The following RANBP17 variants were observed in gnomAD, a reference collection of about 807,000 sequenced individuals.
RANBP17 encodes RAN binding protein 17, also known as ran-binding protein 17.
A neutral mutation model predicts 141.2 loss-of-function variants in RANBP17; 158 were observed. The ratio of observed to expected loss-of-function variants is 1.12; its 90% CI spans 0.98 to 1.28. RANBP17 has a LOEUF of 1.28. RANBP17 is among the 50% of genes most tolerant of loss of function. The pLI, the probability that RANBP17 is intolerant of heterozygous loss-of-function variation, is 0.00. For missense variants in RANBP17, 1,438 were observed against 1,290.7 expected, an observed-to-expected ratio of 1.11 and a Z score of -1.75; for synonymous variants, 430 against 450.0, an observed-to-expected ratio of 0.96 and a Z score of 0.56.
intron 25 of RANBP17, among the ~76,000 whole-genome samples, chr5:171,281,868 G>A (rs547099901): frequency 1.3e-5 from 2 of 152,158 alleles, no homozygotes; most frequent in Admixed American, 6.6e-5. Context: ...GCACCTTAAG[G>A]GCAGAAGTTC....
At chr5:170,927,085 G>A (rs1202458828) in intron 12 of RANBP17, among the ~76,000 whole-genome samples, 1 of 151,996 alleles carries the variant, frequency 6.6e-6, no homozygotes, top group Non-Finnish European at 1.5e-5. Flanking sequence ...GATAAACCTT[G>A]TATGTGTCAT....
intron 14 of RANBP17, among the ~76,000 whole-genome samples, chr5:171,131,829 C>T (rs772024480): frequency 3.9e-5 from 6 of 152,114 alleles, no homozygotes; most frequent in Non-Finnish European, 7.4e-5. Flanking sequence ...GATGGTATAA[C>T]TATTTTGTTT....
chr5:171,078,134 C>CT lies in RANBP17; in HGVS notation c.1711-91979dup, dbSNP rs11331471. Among the ~76,000 whole-genome samples, 356 of 122,766 alleles carry CT rather than the reference C, an allele frequency of 2.9e-3. 2 individuals are homozygous for CT. The highest frequency in any genetic ancestry group is 0.016 in the East Asian group (67 of 4,182). 80.5% of individuals were successfully genotyped at this position (122,766 alleles called of 152,430 possible). On this transcript the variant is annotated intron_variant, in intron 14 of 27. Transcript: ENST00000523189. ...CAACAGATTTTCTTTTCTTTTCTTT[C>CT]TTTTTTTTTTTTTTTTTGAGACTGA...
chr5:171,196,791 G>A (rs942957984), intron 18 of RANBP17, among the ~76,000 whole-genome samples: 2 of 152,118 alleles, frequency 1.3e-5, no homozygotes, highest in African/African-American at 4.8e-5. Flanking sequence ...GCTAACAGTG[G>A]CAGAGCCAGG....
chr5:171,111,759 T>C (rs1399803551), intron 14 of RANBP17, among the ~76,000 whole-genome samples: 1 of 152,256 alleles, frequency 6.6e-6, no homozygotes, highest in Non-Finnish European at 1.5e-5. Flanking sequence ...CTTCTCTGCA[T>C]TAGGTATTCC....
chr5:171,120,310 G>A (rs779104356), intron 14 of RANBP17, among the ~76,000 whole-genome samples: 1 of 152,162 alleles, frequency 6.6e-6, no homozygotes, highest in Non-Finnish European at 1.5e-5. Context: ...TCTTTTCAGG[G>A]CAGAGAGTTT....
At chr5:170,940,796 A>G (rs969041109) in intron 12 of RANBP17, among the ~76,000 whole-genome samples, 3 of 152,160 alleles carry the variant, frequency 2.0e-5, no homozygotes, top group African/African-American at 7.2e-5. Context: ...TGAAAATACC[A>G]GTTTTCTCCA....
chr5:171,252,577 G>A, intron 24 of RANBP17: 1 of 1,353,154 alleles, frequency 7.4e-7, no homozygotes, highest in Non-Finnish European at 1.1e-6. Context: ...CATGATTCTA[G>A]CTCCACACCT....
intron 25 of RANBP17, among the ~76,000 whole-genome samples, chr5:171,288,152 A>G (rs1427048112): frequency 6.6e-6 from 1 of 152,170 alleles, no homozygotes; most frequent in Non-Finnish European, 1.5e-5. Context: ...TAAGGCTGCC[A>G]TTGTTCATCA....
intron 21 of RANBP17, among the ~76,000 whole-genome samples, chr5:171,219,825 T>C (rs959451439): frequency 6.6e-6 from 1 of 152,064 alleles, no homozygotes; most frequent in East Asian, 1.9e-4. Flanking sequence ...CTTCCTTGCA[T>C]TGGGTTAGAA....
At chr5:170,948,904 C>T (rs1221536202) in intron 12 of RANBP17, among the ~76,000 whole-genome samples, 1 of 152,076 alleles carries the variant, frequency 6.6e-6, no homozygotes, top group Non-Finnish European at 1.5e-5. Flanking sequence ...GTAATCCCAG[C>T]AGTTTGGGAG....
At chr5:171,058,290 T>A (rs1167900875) in intron 14 of RANBP17, among the ~76,000 whole-genome samples, 1 of 148,410 alleles carries the variant, frequency 6.7e-6, no homozygotes, top group Admixed American at 6.7e-5. Flanking sequence ...TAGGTATATC[T>A]CCTAATGCTA....
In RANBP17 at chr5:171,221,770, G is replaced by A; in HGVS notation, c.2352G>A (p.Leu784=). ...AELMQNRSQR[L]NFDVSSPNGI... is the part of the protein sequence containing the mutation. The stretch of plus-strand genomic sequence containing the variant: ...CTATATTTCTTAGATCCCAGCGTTT[G>A]AATTTTGATGTATCATCTCCTAATG... The change falls in exon 22 of 28, where the codon TTG becomes TTA. Residue 784 remains leucine (L), a synonymous_variant. Transcript: ENST00000523189. The A allele has an allele frequency of 6.2e-7, 1 of 1,608,144 alleles. No individual in the cohort carries two copies. The highest frequency in any genetic ancestry group is 8.5e-7 in the Non-Finnish European group (1 of 1,175,582).
chr5:171,165,328 C>T (rs959994586), intron 14 of RANBP17, among the ~76,000 whole-genome samples: 3 of 152,002 alleles, frequency 2.0e-5, no homozygotes, highest in African/African-American at 4.8e-5. Flanking sequence ...ATTACAGGTA[C>T]ACGCCACGAC....
intron 12 of RANBP17, among the ~76,000 whole-genome samples, chr5:170,933,697 G>A (rs1422833390): frequency 6.6e-6 from 1 of 152,160 alleles, no homozygotes; most frequent in African/African-American, 2.4e-5. Flanking sequence ...GGAGCAGGTT[G>A]TTCAGTTTCC....
At chr5:170,953,886 T>TAAA (rs1179558549) in intron 13 of RANBP17, among the ~76,000 whole-genome samples, 184 bp downstream of exon 13, 2 of 152,206 alleles carry the variant, frequency 1.3e-5, no homozygotes, top group Non-Finnish European at 2.9e-5. Context: ...AAATCTCTAA[T>TAAA]AAGTGATAGA....
chr5:171,298,941 G>A lies in RANBP17; in HGVS notation c.*83G>A. 1 of 1,006,974 alleles carries A rather than the reference G, an allele frequency of 9.9e-7. No homozygotes were observed. Among genetic ancestry groups the A allele is most frequent in the Admixed American group, 2.0e-5 (1 of 51,038 alleles). The allele number at this position is 1,006,974 out of a possible 1,614,324, so 62.4% of individuals were successfully genotyped here. A position where few individuals can be genotyped will look rare whatever the true frequency, so the allele number is the denominator to read the frequency against. On this transcript the variant is annotated 3_prime_UTR_variant, in exon 28 of 28. Transcript: ENST00000523189. ...GGTCTCAGGACAGTGATGTTGGCTA[G>A]CCCAGGGGAATGTATTTTTCAAAAC...
At chr5:170,965,051 C>T (rs1776445782) in intron 13 of RANBP17, among the ~76,000 whole-genome samples, 1 of 152,196 alleles carries the variant, frequency 6.6e-6, no homozygotes, top group Non-Finnish European at 1.5e-5. Context: ...ACATCCTCTC[C>T]AGCACCTGTT....
intron 25 of RANBP17, among the ~76,000 whole-genome samples, chr5:171,273,191 C>G (rs1214236880): frequency 1.3e-5 from 2 of 152,200 alleles, no homozygotes; most frequent in African/African-American, 4.8e-5. Context: ...TCTTCATTGT[C>G]CTGACTTTCA....
Sources: gnomAD v4.1 joint callset for allele counts (sites outside exome capture counted in the v4.1 genomes callset) on GRCh38, gnomAD v4.1.1 for gene constraint, MANE v1.5 for transcripts, NCBI Gene and HGNC (gene_info 2026-07-23, HGNC 2026-07-21) for gene names.